Variants in SLC24A2 observed in about 807,000 individuals in gnomAD.
The protein encoded by SLC24A2 is solute carrier family 24 member 2, also known as sodium/potassium/calcium exchanger 2.
A neutral mutation model predicts 62.0 loss-of-function variants in SLC24A2; 36 were observed. The ratio of observed to expected loss-of-function variants is 0.58; its 90% confidence interval spans 0.44 to 0.77. The LOEUF (loss-of-function observed/expected upper bound fraction) is 0.77. Ranked by LOEUF, SLC24A2 falls within the 30% of genes least tolerant of loss-of-function variation. The pLI, the probability that SLC24A2 is intolerant of heterozygous loss-of-function variation, is 0.00. For synonymous variants in SLC24A2, 358 were observed against 294.0 expected (o/e 1.22, Z -2.23); for missense variants, 846 against 817.9 (o/e 1.03, Z -0.42).
chr9:20,138,461 C>T, the SLC24A2 span, among the ~76,000 whole-genome samples: 1 of 152,184 alleles, frequency 6.6e-6, no homozygotes, highest in Non-Finnish European at 1.5e-5. Flanking sequence ...AGGTGACTGA[C>T]TCTCTTTTCC....
chr9:20,184,124 C>T, the SLC24A2 span, among the ~76,000 whole-genome samples: 2 of 152,182 alleles, frequency 1.3e-5, no homozygotes, highest in Admixed American at 6.5e-5. Context: ...ATAGACAGTT[C>T]TCAAAAGGAG....
upstream of SLC24A2, among the ~76,000 whole-genome samples, chr9:19,793,410 A>T (rs1411404211): frequency 1.3e-5 from 2 of 152,060 alleles, no homozygotes; most frequent in Admixed American, 1.3e-4. Context: ...CTAGTATCTC[A>T]TGGACTGAAG....
chr9:20,070,447 G>T, the SLC24A2 span, among the ~76,000 whole-genome samples: 1 of 152,112 alleles, frequency 6.6e-6, no homozygotes, highest in Non-Finnish European at 1.5e-5. Flanking sequence ...AGGTTGTTTT[G>T]ATTATATTTT....
chr9:20,097,916 G>T, the SLC24A2 span, among the ~76,000 whole-genome samples: 2 of 151,200 alleles, frequency 1.3e-5, no homozygotes, highest in African/African-American at 4.9e-5. Context: ...CTAATTTTTT[G>T]TATTTTTAGT....
the SLC24A2 span, among the ~76,000 whole-genome samples, chr9:20,302,330 TATATTTTGC>T: frequency 6.6e-6 from 1 of 152,206 alleles, no homozygotes; most frequent in Non-Finnish European, 1.5e-5. Context: ...GCCATACTGT[TATATTTTGC>T]ACCCACACCA....
chr9:20,307,768 C>T, the SLC24A2 span, among the ~76,000 whole-genome samples: 115 of 152,248 alleles, frequency 7.6e-4, no homozygotes, highest in Non-Finnish European at 1.2e-3. Flanking sequence ...CCCAAGTTTC[C>T]GGGACTCGGT....
Position 19,786,919 on chromosome 9 carries a change from G to T in SLC24A2, c.-53C>A. 6.3e-7 allele frequency: 1 copy of T among 1,593,766 alleles called. No individual in the cohort carries two copies. The highest frequency in any genetic ancestry group is 1.1e-5 in the South Asian group (1 of 89,682). The stretch of plus-strand genomic sequence containing the variant: ...CTTCCAACTTTAGACTCAACCAGAT[G>T]GTTCTTTCATACTTTTCCTTACTTT... On this transcript the variant is annotated 5_prime_UTR_variant, in exon 2 of 11. Coordinates refer to ENST00000341998, the MANE Select transcript of SLC24A2 (RefSeq NM_020344.4). This position sits in a 1 kb window ranked among gnomAD's most constrained non-coding sequence, Gnocchi z 5.0.
intron 2 of SLC24A2, among the ~76,000 whole-genome samples, chr9:19,634,350 G>T (rs1038514666): frequency 1.4e-5 from 2 of 138,898 alleles, no homozygotes; most frequent in African/African-American, 5.4e-5. Context: ...GTGCAATGGT[G>T]CGATTTCAGC....
At chr9:19,952,134 G>C in the SLC24A2 span, among the ~76,000 whole-genome samples, 1 of 151,864 alleles carries the variant, frequency 6.6e-6, no homozygotes, top group Non-Finnish European at 1.5e-5. Context: ...ATTTATTGAT[G>C]GTATATAGAA....
the SLC24A2 span, among the ~76,000 whole-genome samples, chr9:20,166,809 G>A: frequency 1.3e-5 from 2 of 151,904 alleles, no homozygotes; most frequent in African/African-American, 4.8e-5. Context: ...AAGGATGGCA[G>A]TAGAAAAAGA....
At chr9:19,561,327 G>C (rs1835389215) in intron 7 of SLC24A2, among the ~76,000 whole-genome samples, 1 of 147,466 alleles carries the variant, frequency 6.8e-6, no homozygotes, top group Admixed American at 6.6e-5. Flanking sequence ...GTGAAAAAGA[G>C]GTAAGTTTAC....
chr9:19,980,570 A>T, the SLC24A2 span, among the ~76,000 whole-genome samples: 1 of 152,136 alleles, frequency 6.6e-6, no homozygotes, highest in Non-Finnish European at 1.5e-5. Context: ...TCAAATTCCC[A>T]CCAATTAGAA....
At chr9:20,131,714 G>A in the SLC24A2 span, among the ~76,000 whole-genome samples, 1 of 152,120 alleles carries the variant, frequency 6.6e-6, no homozygotes, top group Non-Finnish European at 1.5e-5. Flanking sequence ...GTTCAGGGAT[G>A]TGCTGGGCAT....
At chr9:19,560,168 C>T (rs1019751690) in intron 7 of SLC24A2, among the ~76,000 whole-genome samples, 2 of 152,132 alleles carry the variant, frequency 1.3e-5, no homozygotes, top group Non-Finnish European at 2.9e-5. Context: ...GGTATGAAAA[C>T]AGGGAGAGTC....
intron 2 of SLC24A2, among the ~76,000 whole-genome samples, chr9:19,627,819 C>T (rs142528332): frequency 1.2e-3 from 179 of 152,290 alleles, no homozygotes; most frequent in African/African-American, 3.8e-3. Flanking sequence ...TAGGTGTGAG[C>T]CACTGTTCCC....
the SLC24A2 span, among the ~76,000 whole-genome samples, chr9:20,019,213 AAGAAAGAC>A: frequency 7.1e-5 from 10 of 140,518 alleles, no homozygotes; most frequent in Admixed American, 6.7e-4. Flanking sequence ...AAAAGAAAGA[AAGAAAGAC>A]AGAAAGAAAG....
At chr9:19,850,980 T>C in the SLC24A2 span, among the ~76,000 whole-genome samples, 161 of 41,960 alleles carry the variant, frequency 3.8e-3, 2 homozygotes, top group African/African-American at 7.3e-3. Flanking sequence ...TATATATATA[T>C]ATATGTATAT....
the SLC24A2 span, among the ~76,000 whole-genome samples, chr9:20,137,269 TG>T: frequency 6.6e-6 from 1 of 152,158 alleles, no homozygotes; most frequent in Non-Finnish European, 1.5e-5. Context: ...AAAGATCACT[TG>T]CATAGTTGAA....
the SLC24A2 span, among the ~76,000 whole-genome samples, chr9:20,161,757 TACACAC>T: frequency 3.5e-3 from 509 of 147,262 alleles, 6 homozygotes; most frequent in African/African-American, 0.011. Context: ...AACATGAAGA[TACACAC>T]ACACACACAC....
Sources: gnomAD v4.1 joint callset for allele counts (sites outside exome capture counted in the v4.1 genomes callset) on GRCh38, gnomAD v4.1.1 for gene constraint, Gnocchi (gnomAD v3.1) non-coding constraint, MANE v1.5 for transcripts, NCBI Gene and HGNC (gene_info 2026-07-23, HGNC 2026-07-21) for gene names.